The following CCDC192 variants were observed in gnomAD, a reference collection of about 807,000 sequenced individuals.
CCDC192 encodes the protein coiled-coil domain containing 192, also known as coiled-coil domain-containing protein 192.
intron 6 of CCDC192, among the ~76,000 whole-genome samples, chr5:127,893,045 G>A (rs2127157711): frequency 6.6e-6 from 1 of 152,270 alleles, no homozygotes; most frequent in East Asian, 1.9e-4. Flanking sequence ...GCCTAAGAAT[G>A]AGTCATAGTC....
In CCDC192 at chr5:127,757,744, T is replaced by C. The variant is rs553141054; in HGVS notation, c.222+3369T>C. On this transcript the variant is annotated intron_variant, in intron 3 of 6. Coordinates refer to ENST00000514853, the MANE Select transcript of CCDC192 (RefSeq NM_001317938.2). ...CCACTAAGGGATTGCAGTAAGACTG[T>C]CTTTAGTGTTAAAGACAAGGATTAC... Among the ~76,000 whole-genome samples the C allele has an allele frequency of 3.2e-4, 48 of 150,658 alleles. 1 individual carries two copies. The highest frequency in any genetic ancestry group is 6.1e-4 in the Non-Finnish European group (41 of 67,730).
chr5:127,786,404 A>T (rs1756538700), intron 3 of CCDC192: 3 of 623,714 alleles, frequency 4.8e-6, no homozygotes, highest in Non-Finnish European at 8.9e-6. Flanking sequence ...TTGCAAATGC[A>T]TCATCTTCCT....
chr5:127,817,085 T>A (rs1561505213), intron 5 of CCDC192, among the ~76,000 whole-genome samples: 2 of 152,254 alleles, frequency 1.3e-5, no homozygotes, highest in Admixed American at 1.3e-4. Context: ...ATTGATTGGA[T>A]GCTGTGATAG....
At chr5:127,786,232 C>A in intron 3 of CCDC192, 1 of 725,538 alleles carries the variant, frequency 1.4e-6, no homozygotes. Context: ...CTGAACTCTT[C>A]ATTGTTCCTG....
intron 2 of CCDC192, among the ~76,000 whole-genome samples, chr5:127,742,475 T>G (rs1355506254): frequency 6.6e-6 from 1 of 152,170 alleles, no homozygotes; most frequent in African/African-American, 2.4e-5. Context: ...TAAGTTGATA[T>G]AGAATACAGG....
intron 6 of CCDC192, among the ~76,000 whole-genome samples, chr5:127,893,083 G>T (rs1423817051): frequency 6.6e-6 from 1 of 152,176 alleles, no homozygotes; most frequent in East Asian, 1.9e-4. Context: ...TAAAATATCA[G>T]TATCGGGTGT....
chr5:127,768,750 G>T (rs929686413), intron 3 of CCDC192, among the ~76,000 whole-genome samples: 1 of 152,166 alleles, frequency 6.6e-6, no homozygotes, highest in Non-Finnish European at 1.5e-5. Context: ...TGTCTAGAAT[G>T]GGGTTAAGAT....
intron 2 of CCDC192, among the ~76,000 whole-genome samples, chr5:127,720,691 G>A (rs1751969624): frequency 6.6e-6 from 1 of 152,234 alleles, no homozygotes; most frequent in Admixed American, 6.5e-5. Flanking sequence ...CTTCTGCCTG[G>A]ACATCCAGGC....
intron 2 of CCDC192, among the ~76,000 whole-genome samples, chr5:127,753,931 C>T (rs909511479): frequency 6.6e-6 from 1 of 152,088 alleles, no homozygotes; most frequent in African/African-American, 2.4e-5. Context: ...TGACATCTTC[C>T]ATCAGGAATG....
intron 6 of CCDC192, among the ~76,000 whole-genome samples, chr5:127,903,617 G>A (rs1038808502): frequency 6.6e-6 from 1 of 152,140 alleles, no homozygotes. Context: ...GGTTCATGCA[G>A]GCATGAGTGG....
intron 6 of CCDC192, among the ~76,000 whole-genome samples, chr5:127,923,635 C>T (rs1483941807): frequency 1.3e-5 from 2 of 152,178 alleles, no homozygotes; most frequent in Non-Finnish European, 2.9e-5. Context: ...CCTCGGCCTT[C>T]CAAAGTGCTG....
chr5:127,910,576 G>A (rs1314211757), intron 6 of CCDC192, among the ~76,000 whole-genome samples: 1 of 152,180 alleles, frequency 6.6e-6, no homozygotes, highest in Non-Finnish European at 1.5e-5. Context: ...TGATTGTTCA[G>A]AACTGAACAA....
intron 2 of CCDC192, among the ~76,000 whole-genome samples, chr5:127,712,011 T>C (rs1217857255): frequency 6.6e-6 from 1 of 152,082 alleles, no homozygotes; most frequent in Non-Finnish European, 1.5e-5. Flanking sequence ...AAGTTACTCA[T>C]GCACCTTAGG....
rs115614214 is a variant in CCDC192, at chr5:127,754,297, G to A, written c.144G>A (p.Ala48=). 1,310 of 398,372 alleles carry A rather than the reference G, an allele frequency of 3.3e-3. 20 individuals carry two copies. Among genetic ancestry groups the A allele is most frequent in the African/African-American group, 0.024 (1,184 of 48,528 alleles). The allele number at this position is 398,372 out of a possible 1,614,324, so 24.7% of individuals were successfully genotyped here. The change falls in exon 3 of 7, where the codon GCG becomes GCA. Residue 48 remains alanine (A), a synonymous_variant. Transcript: ENST00000514853. The stretch of plus-strand genomic sequence containing the variant: ...CGTCCCTGGATACTGGACAGATGGC[G>A]TTTACCTTGGCCCAACTTGAGTCCT... ...SKASLDTGQM[A]FTLAQLESLE... is the part of the protein sequence containing the mutation.
intron 5 of CCDC192, among the ~76,000 whole-genome samples, chr5:127,822,985 C>T (rs1749364494): frequency 6.6e-6 from 1 of 152,114 alleles, no homozygotes; most frequent in Admixed American, 6.6e-5. Flanking sequence ...AACCAGGGCC[C>T]TCTCAACGCT....
chr5:127,936,965 G>T (rs1186889411), intron 6 of CCDC192, among the ~76,000 whole-genome samples: 2 of 152,156 alleles, frequency 1.3e-5, no homozygotes, highest in African/African-American at 2.4e-5. Context: ...GATGGTTAGT[G>T]GTAGATTCTA....
In CCDC192 at chr5:127,789,670, T is replaced by C. The variant is rs145718501; in HGVS notation, c.223-7433T>C. Among the ~76,000 whole-genome samples, 1,483 of 152,336 alleles carry C rather than the reference T, an allele frequency of 9.7e-3. 12 individuals are homozygous for C. The highest frequency in any genetic ancestry group is 0.031 in the Middle Eastern group (9 of 294). Reference sequence around the variant, plus strand: ...CAGCAAGAACACTGCCAGTCTGAACTGAAGGAGATGAAGGTGGGGGAAAAT... The same window carrying C: ...CAGCAAGAACACTGCCAGTCTGAACCGAAGGAGATGAAGGTGGGGGAAAAT... On this transcript the variant is annotated intron_variant, in intron 3 of 6. Coordinates refer to ENST00000514853, the MANE Select transcript of CCDC192 (RefSeq NM_001317938.2).
intron 5 of CCDC192, among the ~76,000 whole-genome samples, chr5:127,800,389 A>C (rs960682088): frequency 1.4e-4 from 20 of 139,098 alleles, no homozygotes; most frequent in Non-Finnish European, 1.1e-4. Flanking sequence ...AAAAAAAAAA[A>C]AAAAAAAAAA....
intron 2 of CCDC192, among the ~76,000 whole-genome samples, chr5:127,719,297 C>G (rs1049259057): frequency 6.6e-6 from 1 of 151,482 alleles, no homozygotes; most frequent in African/African-American, 2.4e-5. Flanking sequence ...TCTATTCATC[C>G]GTTGATGGAC....
Sources: gnomAD v4.1 joint callset for allele counts (sites outside exome capture counted in the v4.1 genomes callset) on GRCh38, gnomAD v4.1.1 for gene constraint, MANE v1.5 for transcripts, NCBI Gene and HGNC (gene_info 2026-07-23, HGNC 2026-07-21) for gene names.